The following MTUS2 variants were observed in gnomAD, a reference collection of about 807,000 sequenced individuals.
MTUS2 encodes the protein microtubule associated scaffold protein 2.
Under a neutral mutation model 114.1 loss-of-function variants are expected in MTUS2, and 40 were observed. The observed-to-expected ratio is 0.35, with a 90% confidence interval of 0.27 to 0.46. The LOEUF is 0.46. MTUS2 is among the 20% of genes least tolerant of loss of function. The pLI, the probability that MTUS2 is intolerant of heterozygous loss-of-function variation, is 1.00. For missense variants in MTUS2, 1,679 were observed against 1,705.4 expected, an observed-to-expected ratio of 0.98 and a Z score of 0.27; for synonymous variants, 688 against 672.0, an observed-to-expected ratio of 1.02 and a Z score of -0.37.
At chr13:28,899,109 GGTA>G (rs1449548155) in intron 2 of MTUS2, among the ~76,000 whole-genome samples, 1 of 152,088 alleles carries the variant, frequency 6.6e-6, no homozygotes, top group African/African-American at 2.4e-5. Flanking sequence ...TCTGTTTTGA[GGTA>G]ATTGTAGATT....
intron 4 of MTUS2, among the ~76,000 whole-genome samples, chr13:29,067,799 CT>C (rs1411021253): frequency 2.6e-5 from 4 of 152,060 alleles, no homozygotes; most frequent in Admixed American, 2.6e-4. Context: ...AGACAAGGCC[CT>C]CCAGAGAACA....
At chr13:29,159,973 C>T (rs1412002957) in intron 5 of MTUS2, among the ~76,000 whole-genome samples, 2 of 152,238 alleles carry the variant, frequency 1.3e-5, no homozygotes, top group African/African-American at 4.8e-5. Flanking sequence ...ACCATGCAAT[C>T]CAGTGATTGT....
At chr13:29,074,107 AC>A (rs1889073744) in intron 4 of MTUS2, among the ~76,000 whole-genome samples, 1 of 152,014 alleles carries the variant, frequency 6.6e-6, no homozygotes, top group African/African-American at 2.4e-5. Flanking sequence ...AGCAAATCAT[AC>A]CCAGTTCTCC....
chr13:29,209,102 G>A lies in MTUS2; in HGVS notation c.2645-72602G>A, dbSNP rs1236211785. Among the ~76,000 whole-genome samples the A allele has an allele frequency of 2.6e-5, 4 of 152,108 alleles. No homozygotes were observed. In the South Asian group the frequency reaches 6.2e-4, roughly 24 times the overall value. ...TAGTAATTGTTTTATAAATGTGGGA[G>A]CTCCAGTGTTAGGTGTATGTATATT... is the stretch of plus-strand genomic sequence containing the variant. On this transcript the variant is annotated intron_variant, in intron 5 of 15. Coordinates refer to ENST00000612955, the MANE Select transcript of MTUS2 (RefSeq NM_001033602.4).
At chr13:29,117,091 C>T (rs554518352) in intron 5 of MTUS2, among the ~76,000 whole-genome samples, 1 of 152,288 alleles carries the variant, frequency 6.6e-6, no homozygotes, top group East Asian at 1.9e-4. Flanking sequence ...TATTTCTTTA[C>T]CGTGTTCATG....
chr13:29,245,803 C>T (rs2992398), intron 5 of MTUS2, among the ~76,000 whole-genome samples: 142,514 of 151,578 alleles, frequency 0.94, 67,630 homozygotes, highest in East Asian at 1. Flanking sequence ...TTCACGCCAG[C>T]CTCCTGTCTC....
chr13:28,869,129 A>T (rs948631446), intron 2 of MTUS2, among the ~76,000 whole-genome samples: 1 of 152,216 alleles, frequency 6.6e-6, no homozygotes, highest in Non-Finnish European at 1.5e-5. Context: ...ACAAAGAAGA[A>T]CCATTTGGAG....
chr13:28,933,076 T>C (rs1209833019), intron 2 of MTUS2, among the ~76,000 whole-genome samples: 1 of 151,816 alleles, frequency 6.6e-6, no homozygotes, highest in East Asian at 1.9e-4. Flanking sequence ...TTCTGTTTAC[T>C]CATTCAATGT....
chr13:29,460,510 T>C (rs538368585), intron 9 of MTUS2, among the ~76,000 whole-genome samples: 1 of 152,202 alleles, frequency 6.6e-6, no homozygotes, highest in African/African-American at 2.4e-5. Flanking sequence ...TTTCCTTCAC[T>C]TTTTTCTTCC....
intron 8 of MTUS2, among the ~76,000 whole-genome samples, chr13:29,372,621 G>C (rs1871285324): frequency 6.6e-6 from 1 of 152,150 alleles, no homozygotes; most frequent in Admixed American, 6.6e-5. Flanking sequence ...TTAAGTGACA[G>C]CCACAAGCTG....
chr13:29,386,743 T>TTTAA (rs1415829008), intron 8 of MTUS2, among the ~76,000 whole-genome samples: 1 of 152,214 alleles, frequency 6.6e-6, no homozygotes, highest in African/African-American at 2.4e-5. Context: ...GCCCAGTTAC[T>TTTAA]CCCCATAAGA....
At chr13:29,031,051 G>A (rs1029131959) in intron 3 of MTUS2, among the ~76,000 whole-genome samples, 2 of 152,140 alleles carry the variant, frequency 1.3e-5, no homozygotes, top group East Asian at 1.9e-4. Context: ...CAACTTGGGA[G>A]CCCTTTTTAT....
intron 4 of MTUS2, among the ~76,000 whole-genome samples, chr13:29,095,975 T>C (rs1325916176): frequency 2.6e-5 from 4 of 152,174 alleles, no homozygotes; most frequent in Non-Finnish European, 2.9e-5. Flanking sequence ...ATAGGCAGTT[T>C]CTGTTGCCTG....
intron 2 of MTUS2, among the ~76,000 whole-genome samples, chr13:29,022,695 C>T (rs2138468294): frequency 6.6e-6 from 1 of 152,284 alleles, no homozygotes; most frequent in Non-Finnish European, 1.5e-5. Context: ...GGTGACGGGG[C>T]AGAACCTTGT....
At chr13:29,328,603 C>T (rs1900629913) in intron 7 of MTUS2, among the ~76,000 whole-genome samples, 1 of 152,090 alleles carries the variant, frequency 6.6e-6, no homozygotes, top group South Asian at 2.1e-4. Context: ...TAAATGAAGC[C>T]TCATATGTGG....
At chr13:29,108,225 A>G (rs537992456) in intron 5 of MTUS2, among the ~76,000 whole-genome samples, 2 of 152,340 alleles carry the variant, frequency 1.3e-5, no homozygotes, top group East Asian at 3.9e-4. Flanking sequence ...AAAAGCAGCC[A>G]AAGGTGGCTT....
intron 11 of MTUS2, among the ~76,000 whole-genome samples, chr13:29,490,580 A>G (rs1881990102): frequency 6.6e-6 from 1 of 152,278 alleles, no homozygotes; most frequent in Non-Finnish European, 1.5e-5. Context: ...GACACTTTTC[A>G]CGGAACAGAA....
chr13:29,290,516 G>C (rs990140977), intron 6 of MTUS2, among the ~76,000 whole-genome samples: 2 of 152,050 alleles, frequency 1.3e-5, no homozygotes, highest in Admixed American at 6.6e-5. Flanking sequence ...ATTTTTAGTA[G>C]AGACAGGGTT....
chr13:28,919,147 G>A (rs571142864), intron 2 of MTUS2, among the ~76,000 whole-genome samples: 1 of 152,200 alleles, frequency 6.6e-6, no homozygotes, highest in East Asian at 1.9e-4. Flanking sequence ...GTTTTTCTGT[G>A]TGCTATTACC....
Sources: gnomAD v4.1 joint callset for allele counts (sites outside exome capture counted in the v4.1 genomes callset) on GRCh38, gnomAD v4.1.1 for gene constraint, MANE v1.5 for transcripts, NCBI Gene and HGNC (gene_info 2026-07-23, HGNC 2026-07-21) for gene names.